The following NFASC variants were observed in gnomAD, a reference collection of about 807,000 sequenced individuals.
The protein encoded by NFASC is neurofascin.
NFASC carries 43 observed loss-of-function variants against 147.5 expected under a neutral mutation model. The ratio of observed to expected loss-of-function variants is 0.29; its 90% CI spans 0.23 to 0.38. The LOEUF is 0.38. Ranked by LOEUF, NFASC falls within the 10% of genes least tolerant of loss-of-function variation. The probability of loss-of-function intolerance (pLI) is 1.00; values close to 1 mark genes in which losing one functional copy is unlikely to be tolerated. For synonymous variants in NFASC, 622 were observed against 665.5 expected (o/e 0.93, Z 1.01); for missense variants, 1,320 against 1,689.0 (o/e 0.78, Z 3.83).
At chr1:204,939,038 ATGTGTGTGTGTGTGTGTGTGTG>A (rs60166382) in intron 2 of NFASC, among the ~76,000 whole-genome samples, 15 of 123,668 alleles carry the variant, frequency 1.2e-4, no homozygotes, top group Non-Finnish European at 2.2e-4. Context: ...GTATGGATGG[ATGTGTGTGTGTGTGTGTGTGTG>A]TGTGTGTGTG....
chr1:204,958,872 A>C (rs984459046), intron 8 of NFASC, among the ~76,000 whole-genome samples: 1 of 152,132 alleles, frequency 6.6e-6, no homozygotes, highest in Admixed American at 6.5e-5. Context: ...GGAGAGGTTC[A>C]GGTGAGATCA....
At chr1:204,829,602 T>C (rs74665599) in intron 1 of NFASC, among the ~76,000 whole-genome samples, 7,330 of 152,198 alleles carry the variant, frequency 0.048, 434 homozygotes, top group East Asian at 0.2. Context: ...CTCTCTTATG[T>C]TCCTCTCCAG....
chr1:204,885,584 CT>C (rs919572764), intron 1 of NFASC, among the ~76,000 whole-genome samples: 7 of 152,298 alleles, frequency 4.6e-5, no homozygotes, highest in East Asian at 1.9e-4. Flanking sequence ...TCAAAAGAGT[CT>C]TTTGTTTTAT....
intron 3 of NFASC, among the ~76,000 whole-genome samples, chr1:204,949,629 A>G (rs1207075376): frequency 2.0e-5 from 3 of 152,242 alleles, no homozygotes; most frequent in African/African-American, 4.8e-5. Context: ...AAACCTTCCT[A>G]TGCAGAGTGT....
rs777987723 is a variant in NFASC, at chr1:204,974,734, T to C, written c.1469T>C (p.Met490Thr). 14 of 1,614,100 alleles carry C rather than the reference T, an allele frequency of 8.7e-6. 1 individual carries two copies. In the South Asian group the frequency reaches 1.1e-4, roughly 13 times the overall value. The change falls in exon 14 of 30, where the codon ATG becomes ACG. Residue 490 changes from methionine to threonine, a missense_variant. Coordinates refer to ENST00000339876, the MANE Select transcript of NFASC (RefSeq NM_001005388.3). Reference sequence around the variant, plus strand: ...GAGAACGGCAGTCTGGAAATTAAGATGATCCGCAAAGAGGACCAGGGCATC... The same window carrying C: ...GAGAACGGCAGTCTGGAAATTAAGACGATCCGCAAAGAGGACCAGGGCATC... ...VYENGSLEIK[M>T]IRKEDQGIYT...
intron 27 of NFASC, among the ~76,000 whole-genome samples, chr1:205,004,089 C>T (rs189891076): frequency 6.6e-6 from 1 of 152,376 alleles, no homozygotes; most frequent in East Asian, 1.9e-4. Flanking sequence ...CAGATGAGGT[C>T]CCAAGCTGTT....
chr1:204,950,612 T>C (rs2149929248), intron 4 of NFASC, 38 bp downstream of exon 4: 1 of 1,603,552 alleles, frequency 6.2e-7, no homozygotes, highest in East Asian at 2.2e-5. Context: ...CTCTGGGAGT[T>C]GGGAGGGAGG....
chr1:204,869,534 G>T (rs1372692799), intron 1 of NFASC, among the ~76,000 whole-genome samples: 1 of 151,352 alleles, frequency 6.6e-6, no homozygotes, highest in Non-Finnish European at 1.5e-5. Context: ...ATATTTCATT[G>T]CTTATGAGAG....
chr1:204,973,463 CT>C, intron 12 of NFASC, 44 bp downstream of exon 12: 1 of 1,608,086 alleles, frequency 6.2e-7, no homozygotes, highest in South Asian at 1.1e-5. Context: ...CTCTCCACTA[CT>C]GCACAGTCGC....
At chr1:205,004,025 C>G (rs1186951689) in intron 27 of NFASC, among the ~76,000 whole-genome samples, 1 of 152,234 alleles carries the variant, frequency 6.6e-6, no homozygotes. Flanking sequence ...GGGAGCAAGG[C>G]CAGGCAACTG....
chr1:204,930,002 A>T (rs1417432642), intron 2 of NFASC, among the ~76,000 whole-genome samples: 2 of 152,116 alleles, frequency 1.3e-5, no homozygotes, highest in Non-Finnish European at 1.5e-5. Context: ...AGAGGGCAGG[A>T]GGGGAAGTGG....
intron 1 of NFASC, among the ~76,000 whole-genome samples, chr1:204,866,364 T>C (rs1451703351): frequency 6.6e-6 from 1 of 152,194 alleles, no homozygotes; most frequent in Admixed American, 6.5e-5. Context: ...GAGTTGGATA[T>C]GATTCCAGTG....
intron 24 of NFASC, among the ~76,000 whole-genome samples, chr1:204,994,769 C>T (rs554511594): frequency 2.6e-5 from 4 of 152,242 alleles, no homozygotes; most frequent in African/African-American, 7.2e-5. Flanking sequence ...CTAATGATGC[C>T]TTTTAGATAG....
chr1:204,884,660 A>G (rs1286871384), intron 1 of NFASC, among the ~76,000 whole-genome samples: 1 of 152,042 alleles, frequency 6.6e-6, no homozygotes, highest in East Asian at 1.9e-4. Context: ...AAATGGAGTT[A>G]ATAGCCCCTC....
intron 1 of NFASC, among the ~76,000 whole-genome samples, chr1:204,857,668 T>C (rs2076274550): frequency 6.6e-6 from 1 of 152,176 alleles, no homozygotes; most frequent in African/African-American, 2.4e-5. Context: ...CTTGAAGGGA[T>C]GTACACTGCT....
intron 2 of NFASC, among the ~76,000 whole-genome samples, chr1:204,936,011 C>T (rs1395010077): frequency 6.6e-6 from 1 of 152,054 alleles, no homozygotes; most frequent in Non-Finnish European, 1.5e-5. Flanking sequence ...TTATATGAAA[C>T]CCCAGTATAA....
chr1:204,871,215 G>T lies in NFASC; in HGVS notation c.-200+42433G>T, dbSNP rs1171112432. Reference sequence around the variant, plus strand: ...GCTAAGACTGTGGTTGTGCACAAGGGCTGCAAGAATCTTCCCGGCCCAGGG... The same window carrying T: ...GCTAAGACTGTGGTTGTGCACAAGGTCTGCAAGAATCTTCCCGGCCCAGGG... On this transcript the variant is annotated intron_variant, in intron 1 of 29. Transcript: ENST00000339876. 6.3e-6 allele frequency: 5 copies of T among 790,452 alleles called. No homozygotes were observed. In the South Asian group the frequency reaches 8.3e-5, roughly 13 times the overall value. The allele number at this position is 790,452 out of a possible 1,614,324, so 49.0% of individuals were successfully genotyped here. A position where few individuals can be genotyped will look rare whatever the true frequency, so the allele number is the denominator to read the frequency against.
At chr1:204,947,972 ACTCACACG>A (rs2093882507) in intron 3 of NFASC, among the ~76,000 whole-genome samples, 1 of 151,896 alleles carries the variant, frequency 6.6e-6, no homozygotes, top group Non-Finnish European at 1.5e-5. Context: ...ACTCATGCAC[ACTCACACG>A]TGCCCTCACA....
chr1:204,956,184 A>T (rs2094420251), intron 7 of NFASC, among the ~76,000 whole-genome samples: 1 of 152,194 alleles, frequency 6.6e-6, no homozygotes, highest in Non-Finnish European at 1.5e-5. Flanking sequence ...TCCCTGGGTT[A>T]CAAGAATTAT....
Sources: allele counts gnomAD v4.1 joint callset (sites outside exome capture counted in the v4.1 genomes callset), GRCh38; gene constraint gnomAD v4.1.1; transcripts MANE v1.5; gene names NCBI Gene and HGNC (gene_info 2026-07-23, HGNC 2026-07-21).